The following COG5 variants were observed in gnomAD, a reference collection of about 807,000 sequenced individuals.
COG5 encodes component of oligomeric golgi complex 5.
In COG5, 86 loss-of-function variants were observed where a neutral mutation model predicts 110.4. The observed-to-expected ratio is 0.78, with a 90% CI of 0.65 to 0.93. The LOEUF (loss-of-function observed/expected upper bound fraction) is 0.93, where lower values mean the gene tolerates loss of function less well. COG5 is among the 40% of genes least tolerant of loss of function. COG5 has a pLI of 0.00. For missense variants in COG5, 1,077 were observed against 987.0 expected (o/e 1.09, Z -1.22); for synonymous variants, 360 against 334.6 (o/e 1.08, Z -0.83).
At chr7:107,241,935 C>T (rs564927557) in intron 17 of COG5, among the ~76,000 whole-genome samples, 28 of 152,196 alleles carry the variant, frequency 1.8e-4, no homozygotes, top group African/African-American at 6.5e-4. Context: ...ATGCACACCA[C>T]GACACCCAGC....
At position 107,533,817 on chromosome 7, in the gene COG5, A is replaced by C. The variant is rs562917168; in HGVS notation, c.418-6460T>G. ...TTCAAATTCAGGAAATACAGAGAAG[A>C]CCACTAAGATACTCCTCAAGAAGAA... On this transcript the variant is annotated intron_variant, in intron 5 of 21. Coordinates refer to ENST00000297135, the MANE Select transcript of COG5 (RefSeq NM_006348.5). Among the ~76,000 whole-genome samples the C allele has an allele frequency of 4.0e-5, 6 of 151,572 alleles. No individual in the cohort carries two copies. The East Asian group carries it at 1.2e-3, about 29-fold the overall frequency.
chr7:107,503,937 A>G (rs979140340), intron 6 of COG5, among the ~76,000 whole-genome samples: 6 of 139,488 alleles, frequency 4.3e-5, no homozygotes, highest in African/African-American at 1.5e-4. Flanking sequence ...TCATCAGTGA[A>G]CAGTGATAGT....
At chr7:107,304,509 G>C (rs1418322880) in intron 11 of COG5, among the ~76,000 whole-genome samples, 1 of 152,150 alleles carries the variant, frequency 6.6e-6, no homozygotes, top group Non-Finnish European at 1.5e-5. Context: ...GGGGGTCTAG[G>C]TTTGGAGTTA....
At chr7:107,555,186 C>T (rs1803217469) in intron 2 of COG5, among the ~76,000 whole-genome samples, 1 of 152,128 alleles carries the variant, frequency 6.6e-6, no homozygotes, top group Non-Finnish European at 1.5e-5. Context: ...ATGTTTGATA[C>T]TTTTATGAAA....
rs1562981114 is a variant in COG5, at chr7:107,348,202, T to TTAC, written c.1026+13830_1026+13831insGTA. ...TATTTTGATAGTTATGTCATCTGTA[T>TTAC]ATACTGCTGCACTTCTGTGGTAATA... On this transcript the variant is annotated intron_variant, in intron 10 of 21. Coordinates refer to ENST00000297135, the MANE Select transcript of COG5 (RefSeq NM_006348.5). 4.6e-5 allele frequency among the ~76,000 whole-genome samples: 7 copies of TTAC among 151,764 alleles called. No homozygotes were observed. The East Asian group carries it at 1.2e-3, about 26-fold the overall frequency.
intron 5 of COG5, among the ~76,000 whole-genome samples, chr7:107,528,466 C>T (rs1238837738): frequency 6.6e-6 from 1 of 152,166 alleles, no homozygotes; most frequent in Non-Finnish European, 1.5e-5. Flanking sequence ...TATTCCTTTT[C>T]CCAGATCTAA....
chr7:107,235,521 G>C (rs546781066), intron 18 of COG5, among the ~76,000 whole-genome samples: 4 of 152,176 alleles, frequency 2.6e-5, no homozygotes, highest in African/African-American at 9.7e-5. Flanking sequence ...TGGCCAATAC[G>C]GTTAAACCCT....
chr7:107,229,445 C>T (rs1800605413), intron 19 of COG5, among the ~76,000 whole-genome samples: 1 of 152,074 alleles, frequency 6.6e-6, no homozygotes, highest in African/African-American at 2.4e-5. Flanking sequence ...AAGACTCCAT[C>T]TCAAAAAACA....
At chr7:107,228,578 C>T (rs959313257) in intron 19 of COG5, among the ~76,000 whole-genome samples, 5 of 152,094 alleles carry the variant, frequency 3.3e-5, no homozygotes, top group African/African-American at 1.2e-4. Context: ...TCCTTCAACT[C>T]GCCCATGTTT....
At chr7:107,548,659 T>C (rs1802648934) in intron 3 of COG5, among the ~76,000 whole-genome samples, 2 of 152,216 alleles carry the variant, frequency 1.3e-5, no homozygotes, top group South Asian at 4.1e-4. Flanking sequence ...TTAATGCCAC[T>C]GAATTGTATG....
chr7:107,449,704 T>G (rs965175056), intron 6 of COG5, among the ~76,000 whole-genome samples: 6 of 152,194 alleles, frequency 3.9e-5, no homozygotes, highest in African/African-American at 1.4e-4. Flanking sequence ...GCTTGATATG[T>G]GCTGAATTTT....
chr7:107,475,878 AC>A (rs1437987732), intron 6 of COG5, among the ~76,000 whole-genome samples: 1 of 151,682 alleles, frequency 6.6e-6, no homozygotes, highest in Non-Finnish European at 1.5e-5. Flanking sequence ...TTGATGCATC[AC>A]AAATAATTAA....
chr7:107,312,823 T>A (rs73726022), intron 11 of COG5, among the ~76,000 whole-genome samples: 3 of 105,144 alleles, frequency 2.9e-5, no homozygotes, highest in South Asian at 3.0e-4. Flanking sequence ...AATTCATGCT[T>A]GGCAGAAGCA....
intron 6 of COG5, among the ~76,000 whole-genome samples, chr7:107,487,686 G>A (rs1460707623): frequency 6.6e-6 from 1 of 151,540 alleles, no homozygotes; most frequent in Non-Finnish European, 1.5e-5. Flanking sequence ...GTGCAAAGAT[G>A]TATGTTTAAG....
chr7:107,515,340 A>G (rs1799843271), intron 6 of COG5, among the ~76,000 whole-genome samples: 1 of 152,212 alleles, frequency 6.6e-6, no homozygotes, highest in Admixed American at 6.5e-5. Flanking sequence ...ACTTCATAAA[A>G]CGAAGAGATT....
intron 6 of COG5, among the ~76,000 whole-genome samples, chr7:107,504,620 C>T (rs891010686): frequency 6.6e-5 from 10 of 152,264 alleles, no homozygotes; most frequent in African/African-American, 2.4e-4. Context: ...GTGAATCTAT[C>T]TAGCCCTGGG....
Position 107,481,671 on chromosome 7 carries a change from T to G in COG5, c.538+45566A>C, listed in dbSNP as rs112509870. Among the ~76,000 whole-genome samples, 503 of 152,226 alleles carry G rather than the reference T, an allele frequency of 3.3e-3. 4 individuals carry two copies. The highest frequency in any genetic ancestry group is 0.011 in the African/African-American group (473 of 41,548). On this transcript the variant is annotated intron_variant, in intron 6 of 21. Transcript: ENST00000297135. ...CAGGTTGAAATATAAAATATCAAAT[T>G]TACATACTCTGTACTTTAAAAGTCT...
At chr7:107,512,937 A>G (rs1799637379) in intron 6 of COG5, among the ~76,000 whole-genome samples, 1 of 152,132 alleles carries the variant, frequency 6.6e-6, no homozygotes, top group African/African-American at 2.4e-5. Context: ...CTAAAACCAT[A>G]AAAACCCTAG....
intron 6 of COG5, among the ~76,000 whole-genome samples, chr7:107,512,778 C>T (rs111762977): frequency 6.6e-6 from 1 of 150,830 alleles, no homozygotes; most frequent in Non-Finnish European, 1.5e-5. Context: ...ACAAACCTGA[C>T]AAAAACAAGC....
Sources: gnomAD v4.1 joint callset for allele counts (sites outside exome capture counted in the v4.1 genomes callset) on GRCh38, gnomAD v4.1.1 for gene constraint, MANE v1.5 for transcripts, NCBI Gene and HGNC (gene_info 2026-07-23, HGNC 2026-07-21) for gene names.